NHSL3: variants seen among roughly 807,000 people sequenced by gnomAD.
The protein encoded by NHSL3 is NHS like 3, also known as NHS-like protein 3.
chr1:32,761,610 C>T, the NHSL3 span, among the ~76,000 whole-genome samples: 1 of 152,194 alleles, frequency 6.6e-6, no homozygotes, highest in Non-Finnish European at 1.5e-5. Flanking sequence ...TCACTTAGCT[C>T]TCTGAGCCTC....
chr1:32,742,105 G>T, the NHSL3 span: 2 of 1,250,888 alleles, frequency 1.6e-6, no homozygotes, highest in Non-Finnish European at 2.0e-6. Flanking sequence ...GAAGAAGGCG[G>T]CGGGGGCCGA....
At chr1:32,745,472 C>T in the NHSL3 span, among the ~76,000 whole-genome samples, 3 of 148,746 alleles carry the variant, frequency 2.0e-5, no homozygotes, top group African/African-American at 2.5e-5. Flanking sequence ...GCAGGAGAAT[C>T]GCTTGAACCC....
chr1:32,761,847 G>A, the NHSL3 span, among the ~76,000 whole-genome samples: 1 of 152,160 alleles, frequency 6.6e-6, no homozygotes, highest in African/African-American at 2.4e-5. Context: ...GAGGGGAAGA[G>A]TGGGGAAGGT....
the NHSL3 span, among the ~76,000 whole-genome samples, chr1:32,761,396 A>G: frequency 6.6e-6 from 1 of 152,078 alleles, no homozygotes; most frequent in Non-Finnish European, 1.5e-5. Flanking sequence ...AGATGTTATC[A>G]AGTGTAAGCC....
the NHSL3 span, among the ~76,000 whole-genome samples, chr1:32,764,593 G>A: frequency 0.021 from 3,167 of 151,836 alleles, 53 homozygotes; most frequent in Middle Eastern, 0.065. Flanking sequence ...TCGGCCTCCC[G>A]AGTAGCTGAG....
At chr1:32,773,978 C>G in the NHSL3 span, 1 of 152,708 alleles carries the variant, frequency 6.5e-6, no homozygotes, top group South Asian at 2.1e-4. Context: ...GCATTTTACT[C>G]AAGTCTTCTC....
At chr1:32,771,944 C>T in the NHSL3 span, 1 of 1,603,710 alleles carries the variant, frequency 6.2e-7, no homozygotes, top group East Asian at 2.2e-5. Flanking sequence ...CGGGCCAGCC[C>T]AGTGCCTGCC....
the NHSL3 span, among the ~76,000 whole-genome samples, chr1:32,750,914 C>T: frequency 6.1e-3 from 920 of 151,302 alleles, 10 homozygotes; most frequent in African/African-American, 0.02. Context: ...CAGGTTCAAG[C>T]GAATCTCCTG....
At chr1:32,768,692 G>A in the NHSL3 span, 687 of 1,614,040 alleles carry the variant, frequency 4.3e-4, 1 homozygote, top group Non-Finnish European at 5.5e-4. Flanking sequence ...ATCTCCTTCT[G>A]CAGTCAGACC....
chr1:32,764,209 T>TCCCCCCCCCCCCCCCCCCCCCCCCCCTCC, the NHSL3 span, among the ~76,000 whole-genome samples: 1 of 151,006 alleles, frequency 6.6e-6, no homozygotes, highest in African/African-American at 2.4e-5. Flanking sequence ...TAAACCACTC[T>TCCCCCCCCCCCCCCCCCCCCCCCCCCTCC]CCCCGCCCCC....
chr1:32,773,209 A>G, the NHSL3 span: 3 of 459,902 alleles, frequency 6.5e-6, no homozygotes, highest in Non-Finnish European at 7.9e-6. Context: ...CAGAGTTGGG[A>G]GCAGGACACC....
the NHSL3 span, among the ~76,000 whole-genome samples, chr1:32,754,874 C>T: frequency 2.6e-5 from 4 of 152,118 alleles, no homozygotes; most frequent in Non-Finnish European, 5.9e-5. Flanking sequence ...GACTGGTTTT[C>T]TTGGCTCCCT....
the NHSL3 span, chr1:32,770,010 G>C: frequency 1.1e-4 from 177 of 1,600,106 alleles, no homozygotes; most frequent in Middle Eastern, 1.2e-3. The surrounding 1 kb of genome is among the most constrained non-coding windows in gnomAD (Gnocchi z 8.3). Flanking sequence ...CCCTGCAGGC[G>C]CTGGAGGCGG....
chr1:32,771,742 C>G, the NHSL3 span: 1 of 1,613,810 alleles, frequency 6.2e-7, no homozygotes, highest in Non-Finnish European at 8.5e-7. Context: ...TGTGGCCAAG[C>G]TCCCTCAGAA....
chr1:32,765,600 G>C, the NHSL3 span: 2 of 1,501,362 alleles, frequency 1.3e-6, no homozygotes, highest in Middle Eastern at 4.7e-4. Context: ...GAAGGTGGGA[G>C]GAGGACATGG....
chr1:32,754,083 A>C, the NHSL3 span: 4 of 659,442 alleles, frequency 6.1e-6, no homozygotes, highest in African/African-American at 7.6e-5. Flanking sequence ...CGGCTCCCGC[A>C]CCCGCAATGG....
the NHSL3 span, chr1:32,771,781 G>C: frequency 6.2e-7 from 1 of 1,613,482 alleles, no homozygotes; most frequent in Non-Finnish European, 8.5e-7. Flanking sequence ...CAAGGGTGGT[G>C]GGCCTCCCAG....
the NHSL3 span, chr1:32,772,354 C>T: frequency 6.2e-7 from 1 of 1,608,572 alleles, no homozygotes; most frequent in Non-Finnish European, 8.5e-7. Context: ...CCCTCACACC[C>T]AGGACAGGAC....
At chr1:32,770,898 C>T in the NHSL3 span, 1 of 1,610,322 alleles carries the variant, frequency 6.2e-7, no homozygotes, top group South Asian at 1.1e-5. The surrounding 1 kb of genome is among the most constrained non-coding windows in gnomAD (Gnocchi z 8.3). Context: ...CCCCACGGTC[C>T]CCAGAACGGA....
Sources: allele counts gnomAD v4.1 joint callset (sites outside exome capture counted in the v4.1 genomes callset), GRCh38; gene constraint gnomAD v4.1.1; non-coding constraint Gnocchi (gnomAD v3.1); transcripts MANE v1.5; gene names NCBI Gene and HGNC (gene_info 2026-07-23, HGNC 2026-07-21).